POU2F1: variants seen among roughly 807,000 people sequenced by gnomAD.
The protein encoded by POU2F1 is POU class 2 homeobox 1.
POU2F1 carries 16 observed loss-of-function variants against 84.9 expected under a neutral mutation model. That is an observed-to-expected ratio of 0.19 (90% CI 0.13 to 0.29). The LOEUF (loss-of-function observed/expected upper bound fraction) is 0.29. Among genes scored for constraint, POU2F1 ranks in the 10% least tolerant of loss-of-function variants. The pLI, the probability that POU2F1 is intolerant of heterozygous loss-of-function variation, is 1.00. For missense variants in POU2F1, 738 were observed against 942.6 expected (o/e 0.78, Z 2.84); for synonymous variants, 368 against 368.3 (o/e 1.00, Z 0.01).
intron 1 of POU2F1, among the ~76,000 whole-genome samples, chr1:167,252,802 A>G (rs1296782108): frequency 6.6e-6 from 1 of 152,222 alleles, no homozygotes; most frequent in Non-Finnish European, 1.5e-5. Context: ...TCTTGTTTAT[A>G]ACAGGTTAAC....
intron 1 of POU2F1, among the ~76,000 whole-genome samples, chr1:167,224,693 A>G (rs1403941290): frequency 6.6e-6 from 1 of 152,182 alleles, no homozygotes; most frequent in African/African-American, 2.4e-5. Context: ...TCTAACCTGA[A>G]TTTGTGATCC....
chr1:167,349,748 C>G (rs1658434860), intron 2 of POU2F1, among the ~76,000 whole-genome samples: 1 of 152,076 alleles, frequency 6.6e-6, no homozygotes, highest in Non-Finnish European at 1.5e-5. Context: ...ATGTGATATT[C>G]CTGGTTCTCA....
intron 1 of POU2F1, among the ~76,000 whole-genome samples, chr1:167,237,746 G>GTA (rs58988722): frequency 6.8e-4 from 50 of 73,000 alleles, no homozygotes; most frequent in African/African-American, 2.6e-3. Context: ...ATGTGTGTGT[G>GTA]TATATATATA....
chr1:167,364,160 C>T (rs1037715994), intron 2 of POU2F1, among the ~76,000 whole-genome samples: 4 of 152,122 alleles, frequency 2.6e-5, no homozygotes, highest in Non-Finnish European at 5.9e-5. Context: ...GTATTATAAT[C>T]CCTTAGAAAA....
chr1:167,341,175 T>C (rs898361103), intron 2 of POU2F1, among the ~76,000 whole-genome samples: 22 of 152,240 alleles, frequency 1.4e-4, no homozygotes, highest in African/African-American at 5.1e-4. Flanking sequence ...ATTCCAATTC[T>C]TCAGACTTCA....
chr1:167,364,486 C>T (rs1345444103), intron 2 of POU2F1, among the ~76,000 whole-genome samples: 15 of 124,704 alleles, frequency 1.2e-4, no homozygotes, highest in Non-Finnish European at 2.2e-4. Context: ...GCCGAGATCC[C>T]GCCACTGCAC....
intron 4 of POU2F1, among the ~76,000 whole-genome samples, chr1:167,371,012 G>T (rs72693644): frequency 2.8e-4 from 43 of 152,274 alleles, no homozygotes; most frequent in Non-Finnish European, 5.0e-4. Flanking sequence ...TGATTTCAGT[G>T]TTGCTAATGA....
rs770763302 is a variant in POU2F1, at chr1:167,415,868, C to A, written c.*58C>A. On this transcript the variant is annotated 3_prime_UTR_variant, in exon 16 of 16. Transcript: ENST00000367866. ...TCACTCTGCAGTGTGATTGGACTGC[C>A]AGCCAGGTTAATAAACTGAAAAATG... is the stretch of plus-strand genomic sequence containing the variant. 2.7e-6 allele frequency: 4 copies of A among 1,481,306 alleles called. No homozygotes were observed. The African/African-American group carries it at 4.2e-5, about 16-fold the overall frequency. The allele number at this position is 1,481,306 out of a possible 1,614,324, so 91.8% of individuals were successfully genotyped here. A position where few individuals can be genotyped will look rare whatever the true frequency, so the allele number is the denominator to read the frequency against.
intron 1 of POU2F1, among the ~76,000 whole-genome samples, chr1:167,251,873 C>T (rs1396100102): frequency 3.3e-5 from 5 of 150,320 alleles, no homozygotes; most frequent in African/African-American, 1.2e-4. Flanking sequence ...TAAACAGAGC[C>T]TCACTGTGTC....
chr1:167,356,269 A>G (rs1313863202), intron 2 of POU2F1, among the ~76,000 whole-genome samples: 3 of 145,272 alleles, frequency 2.1e-5, no homozygotes, highest in Non-Finnish European at 4.5e-5. Flanking sequence ...CACGCCTGCT[A>G]GGATTACAGG....
chr1:167,389,452 T>C (rs1346806839), intron 8 of POU2F1, 136 bp from the exon 9 acceptor site: 3 of 825,716 alleles, frequency 3.6e-6, no homozygotes, highest in African/African-American at 1.7e-5. Context: ...CTGAACATTA[T>C]GTTGTACATT....
intron 1 of POU2F1, among the ~76,000 whole-genome samples, chr1:167,323,642 T>A (rs1656482963): frequency 6.6e-6 from 1 of 152,214 alleles, no homozygotes; most frequent in Non-Finnish European, 1.5e-5. Context: ...TTTACTTGTT[T>A]GTGCTCCCAA....
chr1:167,344,029 T>G lies in POU2F1; in HGVS notation c.127+11494T>G, dbSNP rs1658036319. Among the ~76,000 whole-genome samples, 4 of 152,240 alleles carry G rather than the reference T, an allele frequency of 2.6e-5. 1 individual carries two copies. The highest frequency in any genetic ancestry group is 9.6e-5 in the African/African-American group (4 of 41,546). Reference sequence around the variant, plus strand: ...TGGTAGAGGAAGAGGAGCCCATGCCTTTGTTGTCGAATAGGATGGACACTG... The same window carrying G: ...TGGTAGAGGAAGAGGAGCCCATGCCGTTGTTGTCGAATAGGATGGACACTG... On this transcript the variant is annotated intron_variant, in intron 2 of 15. Coordinates refer to ENST00000367866, the MANE Select transcript of POU2F1 (RefSeq NM_002697.4).
rs1310790632 is a variant in POU2F1 at position 167,417,922 on chromosome 1, A to G, written c.*2112A>G. 1 of 152,114 alleles carries G rather than the reference A, an allele frequency of 6.6e-6. No homozygotes were observed. Among genetic ancestry groups the G allele is most frequent in the African/African-American group, 2.4e-5 (1 of 41,414 alleles). 9.4% of individuals were successfully genotyped at this position (152,114 alleles called of 1,614,324 possible). ...GTTTATTTCTATCGTGTTTTATTTC[A>G]CAGATATTTAATTACCACCCCTAAA... On this transcript the variant is annotated 3_prime_UTR_variant, in exon 16 of 16. Coordinates refer to ENST00000367866, the MANE Select transcript of POU2F1 (RefSeq NM_002697.4).
intron 1 of POU2F1, among the ~76,000 whole-genome samples, chr1:167,246,773 C>T (rs535138007): frequency 6.6e-6 from 1 of 152,192 alleles, no homozygotes; most frequent in South Asian, 2.1e-4. Flanking sequence ...CTTATCTGTC[C>T]TTCATTTTAA....
At chr1:167,376,392 A>C (rs1660334822) in intron 7 of POU2F1, among the ~76,000 whole-genome samples, 1 of 152,248 alleles carries the variant, frequency 6.6e-6, no homozygotes, top group South Asian at 2.1e-4. Context: ...AGGAAGAACC[A>C]AGAGTTTGGC....
At chr1:167,264,337 A>G (rs1207919316) in intron 1 of POU2F1, among the ~76,000 whole-genome samples, 1 of 152,110 alleles carries the variant, frequency 6.6e-6, no homozygotes, top group Non-Finnish European at 1.5e-5. Context: ...AAGCAGAGTG[A>G]GCAGTATGCA....
intron 1 of POU2F1, among the ~76,000 whole-genome samples, chr1:167,244,358 A>G (rs1650149400): frequency 6.6e-6 from 1 of 152,194 alleles, no homozygotes; most frequent in Admixed American, 6.5e-5. Context: ...GACTGGACTC[A>G]GTTCCTTACT....
chr1:167,277,948 C>G (rs1216591531), intron 1 of POU2F1, among the ~76,000 whole-genome samples: 1 of 152,196 alleles, frequency 6.6e-6, no homozygotes, highest in South Asian at 2.1e-4. Context: ...CTCCCCCTTG[C>G]AGCACAATAG....
Sources: allele counts gnomAD v4.1 joint callset (sites outside exome capture counted in the v4.1 genomes callset), GRCh38; gene constraint gnomAD v4.1.1; transcripts MANE v1.5; gene names NCBI Gene and HGNC (gene_info 2026-07-23, HGNC 2026-07-21).